The following SH3BP4 variants were observed in gnomAD, a reference collection of about 807,000 sequenced individuals.
The protein encoded by SH3BP4 is SH3 domain-binding protein 4.
In SH3BP4, 33 loss-of-function variants were observed where a neutral mutation model predicts 65.5. That is an observed-to-expected ratio of 0.50 (90% CI 0.38 to 0.67). SH3BP4 has a LOEUF of 0.67. SH3BP4 is among the 30% of genes least tolerant of loss of function. The probability of loss-of-function intolerance (pLI) is 0.00; values close to 1 mark genes in which losing one functional copy is unlikely to be tolerated. For missense variants in SH3BP4, 1,134 were observed against 1,261.4 expected (o/e 0.90, Z 1.53); for synonymous variants, 552 against 545.5 (o/e 1.01, Z -0.17).
At chr2:235,036,740 A>AAAAAAAAAAAAAAAAATAATAAT (rs146049108) in intron 3 of SH3BP4, among the ~76,000 whole-genome samples, 27 of 141,760 alleles carry the variant, frequency 1.9e-4, no homozygotes, top group African/African-American at 5.9e-4. Context: ...TCTATATAAA[A>AAAAAAAAAAAAAAAAATAATAAT]AATAATAATA....
rs1026114889 is a variant in SH3BP4 at position 235,040,979 on chromosome 2, C to T, written c.210C>T (p.Asn70=). 1.2e-6 allele frequency: 2 copies of T among 1,614,208 alleles called. No individual in the cohort carries two copies. The highest frequency in any genetic ancestry group is 1.3e-5 in the African/African-American group (1 of 75,040). The part of the protein sequence containing the change: ...VIAIKDYCPT[N]FTTLKFSKGD... ...CGATCAAGGACTATTGCCCCACCAA[C>T]TTCACCACACTGAAGTTCTCCAAGG... Residue 70 remains asparagine (N), a synonymous_variant, in exon 4 of 6, where the codon AAC becomes AAT. Transcript: ENST00000392011.
rs186896618 is a variant in SH3BP4 at position 234,956,929 on chromosome 2, A to T, written c.-207+4759A>T. Reference sequence around the variant, plus strand: ...CAATGTAGGAGGTCCCTGAGCTCATAGTGTGCCGGTAAACCTGCTCTCTGA... The same window carrying T: ...CAATGTAGGAGGTCCCTGAGCTCATTGTGTGCCGGTAAACCTGCTCTCTGA... On this transcript the variant is annotated intron_variant, in intron 1 of 5. Coordinates refer to ENST00000392011, the MANE Select transcript of SH3BP4 (RefSeq NM_014521.3). 4.1e-4 allele frequency among the ~76,000 whole-genome samples: 62 copies of T among 152,310 alleles called. 1 individual carries two copies. The East Asian group carries it at 0.011, about 27-fold the overall frequency.
chr2:235,027,979 G>A (rs1237179750), intron 2 of SH3BP4, among the ~76,000 whole-genome samples: 2 of 152,186 alleles, frequency 1.3e-5, no homozygotes, highest in African/African-American at 4.8e-5. Flanking sequence ...CGTAGCGGAG[G>A]GGGTGTGTGC....
At chr2:235,049,570 A>G (rs1159320405) in intron 4 of SH3BP4, among the ~76,000 whole-genome samples, 2 of 152,194 alleles carry the variant, frequency 1.3e-5, no homozygotes, top group African/African-American at 4.8e-5. Flanking sequence ...CCAGCTAACT[A>G]CACACCCTCC....
In SH3BP4 at chr2:235,054,137, G is replaced by T. The variant is rs373065963; in HGVS notation, c.*321G>T. 7.2e-6 allele frequency: 2 copies of T among 276,432 alleles called. No homozygotes were observed. The highest frequency in any genetic ancestry group is 1.4e-5 in the Non-Finnish European group (2 of 145,520). 17.1% of individuals were successfully genotyped at this position (276,432 alleles called of 1,614,324 possible). ...TCTAATTTTTTTATGGACCATAAAG[G>T]TTTAAAAGAAAATAGGGGCACAGGC... On this transcript the variant is annotated 3_prime_UTR_variant, in exon 6 of 6. Coordinates refer to ENST00000392011, the MANE Select transcript of SH3BP4 (RefSeq NM_014521.3).
At chr2:235,038,308 T>TA (rs1695479490) in intron 3 of SH3BP4, among the ~76,000 whole-genome samples, 4 of 14,418 alleles carry the variant, frequency 2.8e-4, no homozygotes, top group African/African-American at 1.5e-3. Context: ...ATTATATATA[T>TA]ATATTATATA....
At chr2:235,040,201 T>C (rs2016911) in intron 3 of SH3BP4, among the ~76,000 whole-genome samples, 152,350 of 152,366 alleles carry the variant, frequency 1, 76,167 homozygotes, top group Middle Eastern at 1. Context: ...TGTCAATACA[T>C]GCCAGCCTGG....
chr2:235,052,822 C>G lies in SH3BP4; in HGVS notation c.2667+72C>G. On this transcript the variant is annotated intron_variant, in intron 5 of 5. Transcript: ENST00000392011. The surrounding 1 kb of genome is among the most constrained non-coding windows in gnomAD (Gnocchi z 5.0). The stretch of plus-strand genomic sequence containing the variant: ...GGTTCCGTGGACCCATGCAGTGCAG[C>G]CATAAAAAGTCTTGCCTCGCGGCAT... 7.2e-7 allele frequency: 1 copy of G among 1,393,820 alleles called. No individual in the cohort carries two copies. The highest frequency in any genetic ancestry group is 9.6e-7 in the Non-Finnish European group (1 of 1,040,916). The allele number at this position is 1,393,820 out of a possible 1,614,324, so 86.3% of individuals were successfully genotyped here.
At chr2:234,966,630 A>G (rs904058655) in intron 1 of SH3BP4, among the ~76,000 whole-genome samples, 14 of 152,214 alleles carry the variant, frequency 9.2e-5, no homozygotes, top group Admixed American at 9.2e-4. Flanking sequence ...ACCGAGGGGA[A>G]TTGGAGACAC....
chr2:235,040,924 C>T lies in SH3BP4; in HGVS notation c.155C>T (p.Thr52Ile), dbSNP rs374619477. 2 of 1,613,970 alleles carry T rather than the reference C, an allele frequency of 1.2e-6. No homozygotes were observed. Among genetic ancestry groups the T allele is most frequent in the African/African-American group, 2.7e-5 (2 of 75,044 alleles). ...SPSALLVDNP[T>I]PFGNAKEVIA... ...AGTGCCTTGCTCGTAGACAACCCCA[C>T]ACCTTTCGGAAATGCAAAGGAAGTG... The change falls in exon 4 of 6, where the codon ACA becomes ATA. Residue 52 changes from threonine to isoleucine, a missense_variant. Physicochemically the swap from Thr to Ile is moderately conservative, Grantham distance 89. Transcript: ENST00000392011.
At position 235,026,742 on chromosome 2, in the gene SH3BP4, C is replaced by T. The variant is rs997053481; in HGVS notation, c.-132-8129C>T. 6.6e-5 allele frequency among the ~76,000 whole-genome samples: 10 copies of T among 152,112 alleles called. No homozygotes were observed. Among genetic ancestry groups the T allele is most frequent in the Non-Finnish European group, 8.8e-5 (6 of 68,018 alleles). On this transcript the variant is annotated intron_variant, in intron 2 of 5. Coordinates refer to ENST00000392011, the MANE Select transcript of SH3BP4 (RefSeq NM_014521.3). This position sits in a 1 kb window ranked among gnomAD's most constrained non-coding sequence, Gnocchi z 4.6. ...CGTTCCTCATTTTTTCACCCTGTGGCGTGGTCTTGGCTCTGAATAACCGCT... is the reference window on the plus strand; with the variant it reads ...CGTTCCTCATTTTTTCACCCTGTGGTGTGGTCTTGGCTCTGAATAACCGCT...
At chr2:234,986,822 T>G (rs111738832) in intron 1 of SH3BP4, among the ~76,000 whole-genome samples, 1,713 of 152,106 alleles carry the variant, frequency 0.011, 35 homozygotes, top group African/African-American at 0.036. Flanking sequence ...TTTTTTTTTT[T>G]TGATGAAGTT....
rs781050878 is a variant in SH3BP4 at position 235,042,380 on chromosome 2, C to T, written c.1611C>T (p.Leu537=). ...TCGTTTTGTCCAGGCCCCAGGATCT[C>T]AAGGTCTGTATGTTTTCCAATATGA... ...HQFVLSRPQD[L]KVCMFSNMTN... is the part of the protein sequence containing the mutation. The change falls in exon 4 of 6, where the codon CTC becomes CTT. Residue 537 remains leucine, a synonymous_variant. Transcript: ENST00000392011. This position sits in a 1 kb window ranked among gnomAD's most constrained non-coding sequence, Gnocchi z 7.3. The T allele has an allele frequency of 1.5e-5, 24 of 1,614,050 alleles. No homozygotes were observed. The Admixed American group carries it at 4.0e-4, about 27-fold the overall frequency.
chr2:235,025,518 G>A (rs973922611), intron 2 of SH3BP4, among the ~76,000 whole-genome samples: 2 of 152,320 alleles, frequency 1.3e-5, no homozygotes, highest in East Asian at 1.9e-4. Context: ...ACAGTCATCC[G>A]TGCCACAGAT....
chr2:235,016,768 C>T (rs1049025414), intron 2 of SH3BP4, among the ~76,000 whole-genome samples: 17 of 152,186 alleles, frequency 1.1e-4, no homozygotes, highest in African/African-American at 4.1e-4. Context: ...CTCGGCCTCC[C>T]GAAGTGCTGG....
chr2:234,987,414 T>C (rs577656439), intron 1 of SH3BP4, among the ~76,000 whole-genome samples: 2 of 152,076 alleles, frequency 1.3e-5, no homozygotes, highest in East Asian at 1.9e-4. Flanking sequence ...ATGAACTTGA[T>C]GTACGTTAGA....
chr2:235,013,480 G>C (rs1559244100), intron 2 of SH3BP4, among the ~76,000 whole-genome samples: 1 of 152,168 alleles, frequency 6.6e-6, no homozygotes, highest in Non-Finnish European at 1.5e-5. Flanking sequence ...TTTGATCTTA[G>C]AGCTGTGACT....
chr2:234,983,316 T>G lies in SH3BP4; in HGVS notation c.-206-11987T>G, dbSNP rs542536122. 3.9e-5 allele frequency: 6 copies of G among 152,338 alleles called. No homozygotes were observed. In the East Asian group the frequency reaches 1.2e-3, roughly 29 times the overall value. The allele number at this position is 152,338 out of a possible 1,614,324, so 9.4% of individuals were successfully genotyped here. ...ATATGGGTACTCTATAAATCATCCA[T>G]CCATTCAAACATTGGCTGACTGCAC... On this transcript the variant is annotated intron_variant, in intron 1 of 5. Coordinates refer to ENST00000392011, the MANE Select transcript of SH3BP4 (RefSeq NM_014521.3).
In SH3BP4 at chr2:235,043,123, T is replaced by C. The variant is rs769215266; in HGVS notation, c.2354T>C (p.Phe785Ser). The change falls in exon 4 of 6, where the codon TTT becomes TCT. Residue 785 changes from phenylalanine to serine, a missense_variant. Phe to Ser is a radical substitution (Grantham distance 155, BLOSUM62 -2). Coordinates refer to ENST00000392011, the MANE Select transcript of SH3BP4 (RefSeq NM_014521.3). ...ALGYVNLPLT[F>S]FCRAELDSEP... ...GGCTACGTGAACCTGCCGCTCACCT[T>C]TTTCTGCCGGGCAGAGCTGGATAGT... 21 of 1,613,734 alleles carry C rather than the reference T, an allele frequency of 1.3e-5. No individual in the cohort carries two copies. The highest frequency in any genetic ancestry group is 8.8e-5 in the South Asian group (8 of 91,042).
Sources: gnomAD v4.1 joint callset for allele counts (sites outside exome capture counted in the v4.1 genomes callset) on GRCh38, gnomAD v4.1.1 for gene constraint, Gnocchi (gnomAD v3.1) non-coding constraint, MANE v1.5 for transcripts, NCBI Gene and HGNC (gene_info 2026-07-23, HGNC 2026-07-21) for gene names.